Variants in KATNIP observed in about 807,000 individuals in gnomAD.
KATNIP encodes katanin interacting protein.
In KATNIP, 126 loss-of-function variants were observed where a neutral mutation model predicts 174.0. That is an observed-to-expected ratio of 0.72 (90% CI 0.63 to 0.84). The LOEUF is 0.84. KATNIP is among the 40% of genes least tolerant of loss of function. The pLI is 0.00. For synonymous variants in KATNIP, 810 were observed against 835.7 expected, an observed-to-expected ratio of 0.97 and a Z score of 0.53; for missense variants, 1,958 against 2,109.7, an observed-to-expected ratio of 0.93 and a Z score of 1.41.
At chr16:27,726,822 G>A (rs1318146056) in intron 14 of KATNIP, among the ~76,000 whole-genome samples, 1 of 152,204 alleles carries the variant, frequency 6.6e-6, no homozygotes, top group African/African-American at 2.4e-5. Flanking sequence ...CAAAGGCCCT[G>A]CGGCAGGAGT....
At chr16:27,730,234 C>T (rs1330292955) in intron 14 of KATNIP, among the ~76,000 whole-genome samples, 6 of 152,214 alleles carry the variant, frequency 3.9e-5, no homozygotes, top group East Asian at 1.9e-4. Context: ...GGTAGACTTC[C>T]GCTGGATCAC....
intron 8 of KATNIP, among the ~76,000 whole-genome samples, chr16:27,687,943 C>A (rs182582099): frequency 6.6e-6 from 1 of 152,178 alleles, no homozygotes; most frequent in Non-Finnish European, 1.5e-5. Flanking sequence ...AAACCCTAAT[C>A]AGCCCAAGCA....
chr16:27,733,658 A>G lies in KATNIP; in HGVS notation c.1744-6383A>G, dbSNP rs1341659189. 3.3e-5 allele frequency among the ~76,000 whole-genome samples: 5 copies of G among 152,038 alleles called. No homozygotes were observed. In the East Asian group the frequency reaches 9.6e-4, roughly 29 times the overall value. ...GTTAAGGTTAAGACATTCGGCAGGA[A>G]GGAATTTCATGGTGCACTTCATGGA... On this transcript the variant is annotated intron_variant, in intron 14 of 27. Transcript: ENST00000261588.
chr16:27,560,348 A>G lies in KATNIP; in HGVS notation c.7+10171A>G, dbSNP rs116206913. Among the ~76,000 whole-genome samples, 1,006 of 152,038 alleles carry G rather than the reference A, an allele frequency of 6.6e-3. 14 individuals are homozygous for G. Among genetic ancestry groups the G allele is most frequent in the African/African-American group, 0.023 (964 of 41,430 alleles). On this transcript the variant is annotated intron_variant, in intron 1 of 27. Transcript: ENST00000261588. ...ACCTGGACTTCTCAGTCTCTTGATA[A>G]ACAGGGTGCTTTGGGCCCTCAGCAC...
intron 2 of KATNIP, among the ~76,000 whole-genome samples, chr16:27,581,238 A>G (rs932758664): frequency 6.6e-6 from 1 of 152,210 alleles, no homozygotes; most frequent in Admixed American, 6.5e-5. Flanking sequence ...GTCTTTTGCT[A>G]CTATAAGAAT....
At chr16:27,751,946 T>G in intron 17 of KATNIP, 22 bp downstream of exon 17, 1 of 1,575,628 alleles carries the variant, frequency 6.3e-7, no homozygotes, top group Non-Finnish European at 8.6e-7. Flanking sequence ...GCTGGGGGGC[T>G]GTGGGGGGAC....
chr16:27,666,948 C>T (rs974830093), intron 6 of KATNIP, among the ~76,000 whole-genome samples: 7 of 152,232 alleles, frequency 4.6e-5, no homozygotes, highest in Middle Eastern at 3.4e-3. Flanking sequence ...TTGTAGATTC[C>T]GTAAGTCTGT....
rs554385616 is a variant in KATNIP, at chr16:27,579,845, A to G, written c.63+5889A>G. 2.6e-5 allele frequency among the ~76,000 whole-genome samples: 4 copies of G among 152,148 alleles called. No individual in the cohort carries two copies. In the East Asian group the frequency reaches 5.8e-4, roughly 22 times the overall value. The stretch of plus-strand genomic sequence containing the variant: ...AGAAAATGTTAAGCCTTCCCTTTGC[A>G]TGCATGCACATGCACACACATACAC... On this transcript the variant is annotated intron_variant, in intron 2 of 27. Transcript: ENST00000261588.
At position 27,559,718 on chromosome 16, in the gene KATNIP, T is replaced by C. The variant is rs138831638; in HGVS notation, c.7+9541T>C. On this transcript the variant is annotated intron_variant, in intron 1 of 27. Transcript: ENST00000261588. ...AAAATAGTAAGGTCATGGTGGCTCATACCTATAATCTCAGCACTTTGGGAG... is the reference window on the plus strand; with the variant it reads ...AAAATAGTAAGGTCATGGTGGCTCACACCTATAATCTCAGCACTTTGGGAG... Among the ~76,000 whole-genome samples the C allele has an allele frequency of 3.2e-3, 487 of 150,558 alleles. 3 individuals are homozygous for C. The highest frequency in any genetic ancestry group is 6.2e-3 in the Non-Finnish European group (416 of 67,618).
chr16:27,587,201 A>T (rs1247691882), intron 2 of KATNIP, among the ~76,000 whole-genome samples: 6 of 152,216 alleles, frequency 3.9e-5, no homozygotes, highest in Non-Finnish European at 7.3e-5. Context: ...GAGAGAATTA[A>T]AAGACTAATA....
intron 15 of KATNIP, among the ~76,000 whole-genome samples, chr16:27,745,526 C>T (rs1169922822): frequency 6.6e-6 from 1 of 152,226 alleles, no homozygotes; most frequent in Non-Finnish European, 1.5e-5. Context: ...GTCAGGTGTC[C>T]ACTCCTTGTC....
At chr16:27,570,703 G>A (rs1305197635) in intron 1 of KATNIP, among the ~76,000 whole-genome samples, 5 of 152,262 alleles carry the variant, frequency 3.3e-5, no homozygotes, top group African/African-American at 9.6e-5. Context: ...TTGGGCTGGC[G>A]TCATCTCTAC....
chr16:27,746,905 C>T (rs955704666), intron 15 of KATNIP, among the ~76,000 whole-genome samples: 4 of 152,130 alleles, frequency 2.6e-5, no homozygotes, highest in African/African-American at 9.7e-5. Context: ...AGAGACAATG[C>T]CAGCTAGAGG....
intron 13 of KATNIP, among the ~76,000 whole-genome samples, chr16:27,720,942 G>A (rs559711181): frequency 6.6e-5 from 10 of 152,208 alleles, no homozygotes; most frequent in Admixed American, 3.3e-4. Flanking sequence ...AATTTTGTCC[G>A]TGTGAATGAG....
chr16:27,649,577 A>C (rs891918556), intron 6 of KATNIP, among the ~76,000 whole-genome samples: 4 of 152,196 alleles, frequency 2.6e-5, no homozygotes, highest in Admixed American at 1.3e-4. Flanking sequence ...TGCAGCCTTG[A>C]ACTCCTGGGC....
chr16:27,744,288 G>A (rs2081206246), intron 15 of KATNIP, among the ~76,000 whole-genome samples: 1 of 152,116 alleles, frequency 6.6e-6, no homozygotes, highest in African/African-American at 2.4e-5. Context: ...CACTTTGGGA[G>A]GCCAAGGTGG....
At chr16:27,650,374 T>C (rs923719621) in intron 6 of KATNIP, among the ~76,000 whole-genome samples, 4 of 152,126 alleles carry the variant, frequency 2.6e-5, no homozygotes, top group African/African-American at 9.7e-5. Flanking sequence ...TAGGAGTGGA[T>C]GGTTGGGGTT....
In KATNIP at chr16:27,659,132, A is replaced by G. The variant is rs574252997; in HGVS notation, c.540+10397A>G. 2.0e-5 allele frequency among the ~76,000 whole-genome samples: 3 copies of G among 152,316 alleles called. No homozygotes were observed. The South Asian group carries it at 6.2e-4, about 32-fold the overall frequency. On this transcript the variant is annotated intron_variant, in intron 6 of 27. Coordinates refer to ENST00000261588, the MANE Select transcript of KATNIP (RefSeq NM_015202.5). ...AAAAAAAGACTGAATTATGTTCAGC[A>G]TAGTCTTTTAAGAAGACAAGGAAGT...
At chr16:27,731,241 G>T (rs1015598927) in intron 14 of KATNIP, among the ~76,000 whole-genome samples, 1 of 152,150 alleles carries the variant, frequency 6.6e-6, no homozygotes, top group African/African-American at 2.4e-5. Context: ...GTATGCATGG[G>T]GCTCCTCCTA....
Sources: gnomAD v4.1 joint callset for allele counts (sites outside exome capture counted in the v4.1 genomes callset) on GRCh38, gnomAD v4.1.1 for gene constraint, MANE v1.5 for transcripts, NCBI Gene and HGNC (gene_info 2026-07-23, HGNC 2026-07-21) for gene names.